ANKMY1: variants seen among roughly 807,000 people sequenced by gnomAD.
ANKMY1 encodes ankyrin repeat and MYND domain-containing protein 1.
Under a neutral mutation model 102.0 loss-of-function variants are expected in ANKMY1, and 98 were observed. The ratio of observed to expected loss-of-function variants is 0.96; its 90% confidence interval spans 0.82 to 1.14. The LOEUF is 1.14. ANKMY1 is among the 50% of genes most tolerant of loss of function. ANKMY1 has a pLI of 0.00. For missense variants in ANKMY1, 1,330 were observed against 1,347.6 expected (o/e 0.99, Z 0.20); for synonymous variants, 582 against 559.9 (o/e 1.04, Z -0.56).
Position 240,526,232 on chromosome 2 carries a change from A to G in ANKMY1, c.1167T>C (p.Ala389=), listed in dbSNP as rs2083368035. ...DAKGYTVLAA[A]ATHCHNDIVN... Reference sequence around the variant, plus strand: ...GCTGGGAGGGTGTGGGGCTTACAGCAGCCGCAGCAAGCACAGTGTAGCCCT... The same window carrying G: ...GCTGGGAGGGTGTGGGGCTTACAGCGGCCGCAGCAAGCACAGTGTAGCCCT... The change falls in exon 6 of 18, where the codon GCT becomes GCC. Residue 389 remains alanine, a synonymous_variant. Transcript: ENST00000401804. 1 of 1,613,896 alleles carries G rather than the reference A, an allele frequency of 6.2e-7. No homozygotes were observed. The highest frequency in any genetic ancestry group is 1.7e-5 in the Admixed American group (1 of 60,008).
rs149505977 is a variant in ANKMY1, at chr2:240,529,230, T to C, written c.760A>G (p.Thr254Ala). The change falls in exon 5 of 18, where the codon ACG becomes GCG. Residue 254 changes from threonine (T) to alanine (A), a missense_variant. Coordinates refer to ENST00000401804, the MANE Select transcript of ANKMY1 (RefSeq NM_001282771.3). The surrounding 1 kb of genome is among the most constrained non-coding windows in gnomAD (Gnocchi z 4.2). ...TAGACATACATTTCTGGAGGCAGCG[T>C]TAGGTTGTCATTCAGAAGAAACCGC... Reference protein sequence around the residue: ...YKRFLLNDNLTLPPEMYVYST... With the variant: ...YKRFLLNDNLALPPEMYVYST... 30 of 1,614,044 alleles carry C rather than the reference T, an allele frequency of 1.9e-5. No individual in the cohort carries two copies. The African/African-American group carries it at 4.0e-4, about 22-fold the overall frequency.
chr2:240,559,070 C>T (rs1042911780), upstream of ANKMY1, among the ~76,000 whole-genome samples: 10 of 152,312 alleles, frequency 6.6e-5, no homozygotes, highest in African/African-American at 2.2e-4. Context: ...TCTTAGCAAG[C>T]ACATTCTGGT....
At chr2:240,473,082 C>T in the ANKMY1 span, among the ~76,000 whole-genome samples, 1 of 148,750 alleles carries the variant, frequency 6.7e-6, no homozygotes. Flanking sequence ...TGAGATTGTG[C>T]CACTGTACTC....
Position 240,554,937 on chromosome 2 carries a change from A to T in ANKMY1, c.265T>A (p.Cys89Ser). Residue 89 changes from cysteine (C) to serine (S), a missense_variant, in exon 3 of 18, where the codon TGC becomes AGC. Physicochemically the swap from Cys to Ser is moderately radical, Grantham distance 112. Transcript: ENST00000401804. ...AACCCAAACTCCCCCTGGTACATGCAACCATCCTGCCACTCCTGCACACCC... is the reference window on the plus strand; with the variant it reads ...AACCCAAACTCCCCCTGGTACATGCTACCATCCTGCCACTCCTGCACACCC... Reference protein sequence around the residue: ...VQGVQEWQDGCMYQGEFGLNM... With the variant: ...VQGVQEWQDGSMYQGEFGLNM... 1 of 1,614,186 alleles carries T rather than the reference A, an allele frequency of 6.2e-7. No individual in the cohort carries two copies.
upstream of ANKMY1, chr2:240,560,720 C>A: frequency 6.6e-7 from 1 of 1,525,698 alleles, no homozygotes; most frequent in Non-Finnish European, 8.7e-7. Context: ...GCGGGGCCGC[C>A]TCGCCCGTAC....
Position 240,499,981 on chromosome 2 carries a change from G to C in ANKMY1, c.2783C>G (p.Thr928Arg), listed in dbSNP as rs982217545. 1 of 1,612,862 alleles carries C rather than the reference G, an allele frequency of 6.2e-7. No individual in the cohort carries two copies. ...VFAKESQWDP[T>R]WLYLCKRAEL... Reference sequence around the variant, plus strand: ...ACCTCTCTTGCACAGGTACAGCCACGTGGGGTCCCACTGGCTCTCCTTGGC... The same window carrying C: ...ACCTCTCTTGCACAGGTACAGCCACCTGGGGTCCCACTGGCTCTCCTTGGC... Residue 928 changes from threonine to arginine, a missense_variant, in exon 15 of 18, where the codon ACG becomes AGG. Transcript: ENST00000401804. This position sits in a 1 kb window ranked among gnomAD's most constrained non-coding sequence, Gnocchi z 4.2.
At chr2:240,533,271 AAAGAG>A (rs1251183661) in intron 4 of ANKMY1, among the ~76,000 whole-genome samples, 4 of 152,202 alleles carry the variant, frequency 2.6e-5, no homozygotes, top group Admixed American at 6.5e-5. Flanking sequence ...AGATGAGAAA[AAAGAG>A]AAGAAATGTA....
intron 15 of ANKMY1, among the ~76,000 whole-genome samples, chr2:240,483,446 C>A (rs188004527): frequency 6.6e-6 from 1 of 152,126 alleles, no homozygotes; most frequent in Non-Finnish European, 1.5e-5. Context: ...CGTGAGCCAC[C>A]GCATCTGGCC....
downstream of ANKMY1, among the ~76,000 whole-genome samples, chr2:240,475,432 A>C (rs76535038): frequency 1.3e-5 from 2 of 152,166 alleles, no homozygotes; most frequent in African/African-American, 4.8e-5. Context: ...CAAAATACTT[A>C]GCAATAAATT....
At chr2:240,559,492 C>T (rs759653965), upstream of ANKMY1, among the ~76,000 whole-genome samples, 1 of 152,190 alleles carries the variant, frequency 6.6e-6, no homozygotes, top group Non-Finnish European at 1.5e-5. Context: ...CCAGAGCAGT[C>T]ACGGGAGTGT....
At chr2:240,539,201 C>T (rs953197769) in intron 4 of ANKMY1, among the ~76,000 whole-genome samples, 8 of 152,180 alleles carry the variant, frequency 5.3e-5, no homozygotes, top group South Asian at 2.1e-4. Context: ...GTCCGCACTG[C>T]GTTTATGAGC....
chr2:240,473,911 A>C, the ANKMY1 span, among the ~76,000 whole-genome samples: 2 of 152,166 alleles, frequency 1.3e-5, no homozygotes, highest in Non-Finnish European at 1.5e-5. Flanking sequence ...CTAACATTAC[A>C]CTCAATAGTG....
intron 4 of ANKMY1, among the ~76,000 whole-genome samples, chr2:240,531,191 T>C (rs1310471016): frequency 6.6e-6 from 1 of 152,140 alleles, no homozygotes; most frequent in African/African-American, 2.4e-5. Flanking sequence ...CATAATAACA[T>C]ACCACATACA....
At chr2:240,491,704 GTTT>G (rs932614446) in intron 15 of ANKMY1, among the ~76,000 whole-genome samples, 1 of 151,582 alleles carries the variant, frequency 6.6e-6, no homozygotes, top group Non-Finnish European at 1.5e-5. Flanking sequence ...GGGTGGCAGC[GTTT>G]TTTTTCTTTC....
At chr2:240,519,981 C>T (rs919043021) in intron 9 of ANKMY1, 5 of 446,074 alleles carry the variant, frequency 1.1e-5, no homozygotes, top group Non-Finnish European at 2.3e-5. Flanking sequence ...CACCAAAACC[C>T]TTTGCCTCTC....
At chr2:240,498,808 A>G (rs901999993) in intron 15 of ANKMY1, among the ~76,000 whole-genome samples, 6 of 152,044 alleles carry the variant, frequency 3.9e-5, no homozygotes, top group Admixed American at 3.3e-4. Flanking sequence ...GTTAGTTCAC[A>G]TGACAGCTGG....
rs769361836 is a variant in ANKMY1, at chr2:240,557,286, G to A, written c.50C>T (p.Ala17Val). 1.4e-5 allele frequency: 23 copies of A among 1,593,036 alleles called. No homozygotes were observed. In the South Asian group the frequency reaches 1.9e-4, roughly 13 times the overall value. ...SLSLEDEVSG[A>V]GSRQRPLEGK... ...CTCTAGCGGGCGTTGGCGGCTGCCA[G>A]CCCCAGAGACTTCGTCCTCTAAGCT... Residue 17 changes from alanine (A) to valine (V), a missense_variant, in exon 2 of 18, where the codon GCT (alanine) becomes GTT (valine). By Grantham distance (64) the Ala-to-Val change is moderately conservative (BLOSUM62 0). Coordinates refer to ENST00000401804, the MANE Select transcript of ANKMY1 (RefSeq NM_001282771.3).
chr2:240,552,826 T>G, intron 4 of ANKMY1, 88 bp downstream of exon 4: 1 of 1,593,754 alleles, frequency 6.3e-7, no homozygotes, highest in Non-Finnish European at 8.6e-7. Flanking sequence ...ACAAATAAAC[T>G]TCCCCAGGAC....
upstream of ANKMY1, chr2:240,560,874 G>T (rs774507085): frequency 2.4e-5 from 34 of 1,421,144 alleles, no homozygotes; most frequent in Non-Finnish European, 3.1e-5. Flanking sequence ...GCCCGGCGTG[G>T]CAGAGCTGCG....
Sources: allele counts gnomAD v4.1 joint callset (sites outside exome capture counted in the v4.1 genomes callset), GRCh38; gene constraint gnomAD v4.1.1; non-coding constraint Gnocchi (gnomAD v3.1); transcripts MANE v1.5; gene names NCBI Gene and HGNC (gene_info 2026-07-23, HGNC 2026-07-21).